The following DYNC2H1 variants were observed in gnomAD, a reference collection of about 807,000 sequenced individuals.
DYNC2H1 encodes the protein dynein cytoplasmic 2 heavy chain 1, also known as cytoplasmic dynein 2 heavy chain 1.
DYNC2H1 carries 410 observed loss-of-function variants against 570.0 expected under a neutral mutation model. The observed-to-expected ratio is 0.72, with a 90% CI of 0.66 to 0.78. The LOEUF is 0.78. Ranked by LOEUF, DYNC2H1 falls within the 30% of genes least tolerant of loss-of-function variation. The pLI, the probability that DYNC2H1 is intolerant of heterozygous loss-of-function variation, is 0.00. For missense variants in DYNC2H1, 4,865 were observed against 5,046.4 expected (o/e 0.96, Z 1.09); for synonymous variants, 1,688 against 1,677.6 (o/e 1.01, Z -0.15).
At chr11:103,165,237 C>T (rs762842949) in intron 30 of DYNC2H1, among the ~76,000 whole-genome samples, 2 of 152,200 alleles carry the variant, frequency 1.3e-5, no homozygotes, top group Non-Finnish European at 2.9e-5. Flanking sequence ...AAGCGATTCT[C>T]GTGCTTCAGC....
intron 88 of DYNC2H1, among the ~76,000 whole-genome samples, chr11:103,474,858 A>G (rs958344804): frequency 1.3e-5 from 2 of 152,180 alleles, no homozygotes; most frequent in Non-Finnish European, 2.9e-5. Context: ...CCCCATGAAT[A>G]AGAGGGGACT....
At chr11:103,320,989 T>A in intron 80 of DYNC2H1, 40 bp from the exon 81 acceptor site, 1 of 1,472,882 alleles carries the variant, frequency 6.8e-7, no homozygotes, top group Non-Finnish European at 9.2e-7. Context: ...TAGTTAATAT[T>A]TTAGAAATGA....
chr11:103,165,683 A>T (rs995827704), intron 30 of DYNC2H1, among the ~76,000 whole-genome samples: 4 of 152,178 alleles, frequency 2.6e-5, no homozygotes, highest in Non-Finnish European at 5.9e-5. Context: ...AGAGTATAGT[A>T]TGAAATGAGT....
At chr11:103,386,885 TAATC>T (rs889934905) in intron 83 of DYNC2H1, among the ~76,000 whole-genome samples, 97 of 151,802 alleles carry the variant, frequency 6.4e-4, no homozygotes, top group African/African-American at 2.3e-3. Context: ...CACATTTTCT[TAATC>T]CAGTCTATCG....
chr11:103,269,890 G>A (rs1047889808), intron 70 of DYNC2H1, among the ~76,000 whole-genome samples: 2 of 151,958 alleles, frequency 1.3e-5, no homozygotes, highest in Non-Finnish European at 2.9e-5. Flanking sequence ...ACTATATAGG[G>A]TGAGTATACA....
intron 84 of DYNC2H1, among the ~76,000 whole-genome samples, chr11:103,427,928 GTTC>G (rs1943730631): frequency 6.6e-6 from 1 of 150,672 alleles, no homozygotes; most frequent in African/African-American, 2.4e-5. Context: ...CTGTACTAGA[GTTC>G]TTCCAAGAAA....
intron 84 of DYNC2H1, among the ~76,000 whole-genome samples, chr11:103,428,306 A>G (rs531493199): frequency 3.1e-5 from 3 of 97,598 alleles, no homozygotes; most frequent in African/African-American, 1.5e-4. Flanking sequence ...CCCACCTACC[A>G]TGGTCTATAT....
intron 12 of DYNC2H1, among the ~76,000 whole-genome samples, chr11:103,127,517 T>C (rs747940988): frequency 6.6e-6 from 1 of 152,220 alleles, no homozygotes; most frequent in African/African-American, 2.4e-5. Context: ...AAGTATATTT[T>C]TACATGTATT....
chr11:103,223,409 C>G (rs1591434656), intron 59 of DYNC2H1, among the ~76,000 whole-genome samples: 1 of 151,530 alleles, frequency 6.6e-6, no homozygotes, highest in South Asian at 2.1e-4. Flanking sequence ...GTTTTTGAGA[C>G]ACAGTTTCGC....
chr11:103,332,555 C>T (rs117353967), intron 82 of DYNC2H1, among the ~76,000 whole-genome samples: 2,201 of 152,256 alleles, frequency 0.014, 15 homozygotes, highest in Admixed American at 0.025. Context: ...GGGGGAAACA[C>T]ACACCACATA....
chr11:103,152,693 C>T (rs905330574), intron 21 of DYNC2H1, among the ~76,000 whole-genome samples: 1 of 152,128 alleles, frequency 6.6e-6, no homozygotes, highest in African/African-American at 2.4e-5. Flanking sequence ...GCTATGGTGC[C>T]TCTGCTTCAT....
chr11:103,316,488 C>G (rs902015253), intron 79 of DYNC2H1, 57 bp from the exon 80 acceptor site: 10 of 1,167,374 alleles, frequency 8.6e-6, no homozygotes, highest in Non-Finnish European at 1.2e-5. Context: ...GTGATACATA[C>G]ATATATATCT....
chr11:103,404,093 G>A (rs1265228861), intron 84 of DYNC2H1: 1 of 151,896 alleles, frequency 6.6e-6, no homozygotes, highest in Non-Finnish European at 1.5e-5. Flanking sequence ...TAAGAGTATG[G>A]TCATGGAAAG....
intron 13 of DYNC2H1, among the ~76,000 whole-genome samples, chr11:103,132,676 G>C (rs1435456970): frequency 6.9e-6 from 1 of 145,428 alleles, no homozygotes; most frequent in Admixed American, 6.9e-5. Flanking sequence ...GTGTGTGTGT[G>C]ATGAGTTTCC....
intron 52 of DYNC2H1, among the ~76,000 whole-genome samples, chr11:103,208,192 G>A (rs1202821230): frequency 6.6e-6 from 1 of 152,146 alleles, no homozygotes; most frequent in African/African-American, 2.4e-5. Context: ...CCAAGGAATT[G>A]AGACATGAGG....
intron 83 of DYNC2H1, among the ~76,000 whole-genome samples, chr11:103,383,211 A>G (rs1336516479): frequency 1.3e-5 from 2 of 152,212 alleles, no homozygotes; most frequent in Admixed American, 6.5e-5. Context: ...ATGAACAGGA[A>G]GAAGGAAGTT....
intron 79 of DYNC2H1, among the ~76,000 whole-genome samples, chr11:103,315,706 C>G (rs1937786304): frequency 6.6e-6 from 1 of 151,954 alleles, no homozygotes; most frequent in African/African-American, 2.4e-5. Context: ...CTAAATGTTT[C>G]TCTCCATCAA....
intron 75 of DYNC2H1, among the ~76,000 whole-genome samples, chr11:103,293,756 A>G (rs954504968): frequency 6.6e-6 from 1 of 152,012 alleles, no homozygotes; most frequent in African/African-American, 2.4e-5. Flanking sequence ...TTGTTTTTAT[A>G]AAATTATTTG....
At chr11:103,317,296 G>A (rs756791480) in intron 80 of DYNC2H1, among the ~76,000 whole-genome samples, 8 of 151,354 alleles carry the variant, frequency 5.3e-5, no homozygotes, top group Non-Finnish European at 1.0e-4. Context: ...TTCTGCCTCC[G>A]TTTCAGTAGA....
Sources: gnomAD v4.1 joint callset for allele counts (sites outside exome capture counted in the v4.1 genomes callset) on GRCh38, gnomAD v4.1.1 for gene constraint, MANE v1.5 for transcripts, NCBI Gene and HGNC (gene_info 2026-07-23, HGNC 2026-07-21) for gene names.